The following HPD variants were observed in gnomAD, a reference collection of about 807,000 sequenced individuals.
HPD encodes 4-hydroxyphenylpyruvic acid oxidase.
HPD carries 35 observed loss-of-function variants against 56.9 expected under a neutral mutation model. The ratio of observed to expected loss-of-function variants is 0.62; its 90% CI spans 0.47 to 0.82. The LOEUF is 0.82. Ranked by LOEUF, HPD falls within the 40% of genes least tolerant of loss-of-function variation. HPD has a pLI of 0.00. For missense variants in HPD, 442 were observed against 506.8 expected, an observed-to-expected ratio of 0.87 and a Z score of 1.23; for synonymous variants, 186 against 200.2, an observed-to-expected ratio of 0.93 and a Z score of 0.60.
intron 6 of HPD, among the ~76,000 whole-genome samples, chr12:121,855,944 T>C (rs1592922836): frequency 9.7e-6 from 1 of 102,890 alleles, no homozygotes; most frequent in African/African-American, 4.0e-5. Flanking sequence ...CACTCCAACC[T>C]GGGCAACAAG....
upstream of HPD, among the ~76,000 whole-genome samples, chr12:121,864,073 CAAAAAAA>C (rs748278452): frequency 9.5e-4 from 68 of 71,294 alleles, no homozygotes; most frequent in African/African-American, 1.5e-3. Flanking sequence ...ACTAAAAATA[CAAAAAAA>C]AAAAAAAAAA....
At position 121,856,816 on chromosome 12, in the gene HPD, CT is replaced by C. The variant is rs369717503; in HGVS notation, c.199-192del. Reference sequence around the variant, plus strand: ...GGGATGGGGCTTTCAGCCAGACCCCCTCTGGATCCTCAGAGGAACTGCTAGG... The same window carrying C: ...GGGATGGGGCTTTCAGCCAGACCCCCCTGGATCCTCAGAGGAACTGCTAGG... On this transcript the variant is annotated intron_variant, in intron 4 of 13. Coordinates refer to ENST00000289004, the MANE Select transcript of HPD (RefSeq NM_002150.3). 1,384 of 640,450 alleles carry C rather than the reference CT, an allele frequency of 2.2e-3. 18 individuals carry two copies. The African/African-American group carries it at 0.022, about 10-fold the overall frequency. The allele number at this position is 640,450 out of a possible 1,614,324, so 39.7% of individuals were successfully genotyped here.
In HPD at chr12:121,843,852, A is replaced by G; in HGVS notation, c.832-20T>C. On this transcript the variant is annotated intron_variant, in intron 11 of 13. Coordinates refer to ENST00000289004, the MANE Select transcript of HPD (RefSeq NM_002150.3). ...GCGAATCTGTTTCAGAGCAAAGCTG[A>G]GGTCAGCCTTCGGCCTCCAAGTTCA... 1 of 1,613,996 alleles carries G rather than the reference A, an allele frequency of 6.2e-7. No individual in the cohort carries two copies.
the HPD span, chr12:121,874,456 A>C: frequency 1.3e-5 from 2 of 152,000 alleles, no homozygotes; most frequent in Admixed American, 6.6e-5. Context: ...CATCTCTGCT[A>C]AAAATACAAA....
Position 121,857,314 on chromosome 12 carries a change from G to T in HPD, c.198+14C>A. The T allele has an allele frequency of 3.8e-6, 6 of 1,558,534 alleles. No homozygotes were observed. The highest frequency in any genetic ancestry group is 1.1e-5 in the South Asian group (1 of 90,044). On this transcript the variant is annotated intron_variant, in intron 4 of 13. Coordinates refer to ENST00000289004, the MANE Select transcript of HPD (RefSeq NM_002150.3). ...AGGCAGGGGTTGGGGGCTGTCCTGG[G>T]GGTGGTGACTCACCTTCCCTTGTTT...
chr12:121,869,265 G>T, the HPD span, among the ~76,000 whole-genome samples: 1 of 151,008 alleles, frequency 6.6e-6, no homozygotes, highest in East Asian at 2.0e-4. Flanking sequence ...CAGGAGAATC[G>T]CTTGAACCTG....
chr12:121,869,231 TC>T, the HPD span, among the ~76,000 whole-genome samples: 1 of 151,502 alleles, frequency 6.6e-6, no homozygotes, highest in South Asian at 2.1e-4. Context: ...ACGCCTATAA[TC>T]CCAGCTGCTC....
Position 121,849,726 on chromosome 12 carries a change from T to C in HPD, c.479A>G (p.Tyr160Cys), listed in dbSNP as rs137852865. The C allele has an allele frequency of 2.4e-5, 39 of 1,613,792 alleles. No individual in the cohort carries two copies. The highest frequency in any genetic ancestry group is 3.3e-5 in the Non-Finnish European group (39 of 1,179,830). The change falls in exon 8 of 14, where the codon TAT becomes TGT. Residue 160 changes from tyrosine (Y) to cysteine (C), a missense_variant. By Grantham distance (194) the Tyr-to-Cys change is radical. Coordinates refer to ENST00000289004, the MANE Select transcript of HPD (RefSeq NM_002150.3). ...MNYIGQFLPG[Y>C]EAPAFMDPLL... ...GGGGTCCATGAACGCTGGGGCCTCA[T>C]ATCCAGGCAAGAATTGGCCGATGTA...
At chr12:121,883,986 T>C in the HPD span, among the ~76,000 whole-genome samples, 1 of 152,136 alleles carries the variant, frequency 6.6e-6, no homozygotes, top group Non-Finnish European at 1.5e-5. Flanking sequence ...AAAGAGTTTC[T>C]TTCACATAAT....
At position 121,858,818 on chromosome 12, in the gene HPD, T is replaced by TA; in HGVS notation, c.3+2dup. ...CCCAAGGGGAGATGGCCATGGCACT[T>TA]ACCATGATTGATCTTAGTCAAACCT... On this transcript the variant is annotated splice_region_variant and intron_variant, in intron 1 of 13. Transcript: ENST00000289004. 1 of 1,614,122 alleles carries TA rather than the reference T, an allele frequency of 6.2e-7. No homozygotes were observed. The highest frequency in any genetic ancestry group is 1.1e-5 in the South Asian group (1 of 91,086).
Position 121,854,771 on chromosome 12 carries a change from T to G in HPD, c.346A>C (p.Lys116Gln). Residue 116 changes from lysine to glutamine, a missense_variant, in exon 7 of 14, where the codon AAA becomes CAA. Transcript: ENST00000289004. ...TCTACCCAGGGCTCCCGCATGATTT[T>G]GGCGCCCCGTTCCCGTGCTTTCTGC... The part of the protein sequence containing the change: ...IVQKARERGA[K>Q]IMREPWVEQD... 1 of 1,614,070 alleles carries G rather than the reference T, an allele frequency of 6.2e-7. No individual in the cohort carries two copies.
rs1306096073 is a variant in HPD, at chr12:121,846,783, C to T, written c.831+79G>A. 1.1e-5 allele frequency: 15 copies of T among 1,378,758 alleles called. No individual in the cohort carries two copies. In the East Asian group the frequency reaches 2.8e-4, roughly 26 times the overall value. 85.4% of individuals were successfully genotyped at this position (1,378,758 alleles called of 1,614,324 possible). Reference sequence around the variant, plus strand: ...AGAGAAACGGGCCCAGGACTGCCGCCACCCGCCCTCTCAATTTTGCAGAGA... The same window carrying T: ...AGAGAAACGGGCCCAGGACTGCCGCTACCCGCCCTCTCAATTTTGCAGAGA... On this transcript the variant is annotated intron_variant, in intron 11 of 13. Coordinates refer to ENST00000289004, the MANE Select transcript of HPD (RefSeq NM_002150.3).
chr12:121,857,559 G>A lies in HPD; in HGVS notation c.94-127C>T, dbSNP rs534148017. On this transcript the variant is annotated intron_variant, in intron 3 of 13. Transcript: ENST00000289004. ...GCCTCAGGGGCAGAGACCCTCCTGG[G>A]AAGATAGACTGCTGCCTGCACATTT... 654 of 852,414 alleles carry A rather than the reference G, an allele frequency of 7.7e-4. 4 individuals carry two copies. Among genetic ancestry groups the A allele is most frequent in the South Asian group, 4.4e-3 (321 of 73,324 alleles). The allele number at this position is 852,414 out of a possible 1,614,324, so 52.8% of individuals were successfully genotyped here.
Position 121,854,651 on chromosome 12 carries a change from C to T in HPD, c.414+52G>A, listed in dbSNP as rs1300785825. 21 of 1,252,470 alleles carry T rather than the reference C, an allele frequency of 1.7e-5. No individual in the cohort carries two copies. In the East Asian group the frequency reaches 4.4e-4, roughly 26 times the overall value. The allele number at this position is 1,252,470 out of a possible 1,614,324, so 77.6% of individuals were successfully genotyped here. The stretch of plus-strand genomic sequence containing the variant: ...ATGGAGTCAGCTGCGGGGCTCCTGG[C>T]ATCTCAGTGGTGCCGACAGCAGGAG... On this transcript the variant is annotated intron_variant, in intron 7 of 13. Transcript: ENST00000289004.
At chr12:121,842,990 C>A (rs189700280) in intron 12 of HPD, among the ~76,000 whole-genome samples, 2,194 of 152,120 alleles carry the variant, frequency 0.014, 60 homozygotes, top group African/African-American at 0.05. Context: ...TCATGATCCG[C>A]CCGCCTCGGC....
At chr12:121,881,405 TG>T in the HPD span, among the ~76,000 whole-genome samples, 6 of 152,086 alleles carry the variant, frequency 3.9e-5, no homozygotes, top group Non-Finnish European at 7.3e-5. Context: ...GAGAGACAAG[TG>T]GGGGTATCTC....
At chr12:121,884,958 G>A in the HPD span, among the ~76,000 whole-genome samples, 3 of 151,972 alleles carry the variant, frequency 2.0e-5, no homozygotes, top group African/African-American at 4.8e-5. Context: ...GCACGATCTC[G>A]GCTCACTACA....
chr12:121,869,595 G>C, the HPD span, among the ~76,000 whole-genome samples: 1 of 149,052 alleles, frequency 6.7e-6, no homozygotes, highest in Admixed American at 6.7e-5. Context: ...GTGGCTCTCG[G>C]CCCACTGCAA....
chr12:121,852,573 T>C (rs1877827616), intron 7 of HPD, among the ~76,000 whole-genome samples: 1 of 150,926 alleles, frequency 6.6e-6, no homozygotes, highest in Non-Finnish European at 1.5e-5. Flanking sequence ...GAGTGTCTAA[T>C]GTGCCAGGCA....
Sources: allele counts gnomAD v4.1 joint callset (sites outside exome capture counted in the v4.1 genomes callset), GRCh38; gene constraint gnomAD v4.1.1; transcripts MANE v1.5; gene names NCBI Gene and HGNC (gene_info 2026-07-23, HGNC 2026-07-21).